MTMR7: variants seen among roughly 807,000 people sequenced by gnomAD.
MTMR7 encodes the protein phosphatidylinositol-3-phosphate phosphatase MTMR7.
In MTMR7, 76 loss-of-function variants were observed where a neutral mutation model predicts 81.2. The ratio of observed to expected loss-of-function variants is 0.94; its 90% confidence interval spans 0.78 to 1.13. MTMR7 has a LOEUF of 1.13. Among genes scored for constraint, MTMR7 ranks in the 50% most tolerant of loss-of-function variants. The pLI is 0.00. For synonymous variants in MTMR7, 372 were observed against 289.8 expected (o/e 1.28, Z -2.88); for missense variants, 1,044 against 820.0 (o/e 1.27, Z -3.34).
At chr8:17,307,407 A>C (rs539009990) in intron 10 of MTMR7, among the ~76,000 whole-genome samples, 6 of 151,950 alleles carry the variant, frequency 3.9e-5, no homozygotes, top group African/African-American at 4.8e-5. Flanking sequence ...AGAGGATGTG[A>C]AGAAATAGGA....
intron 3 of MTMR7, among the ~76,000 whole-genome samples, chr8:17,362,621 C>T (rs1820093379): frequency 6.6e-6 from 1 of 152,138 alleles, no homozygotes; most frequent in Admixed American, 6.5e-5. Flanking sequence ...TGTAACACAC[C>T]CTCCCCAAAC....
intron 7 of MTMR7, among the ~76,000 whole-genome samples, chr8:17,319,302 A>G (rs568677186): frequency 1.3e-5 from 2 of 152,202 alleles, no homozygotes; most frequent in Non-Finnish European, 2.9e-5. Context: ...AATAATACCA[A>G]TAAGCATTAC....
intron 1 of MTMR7, among the ~76,000 whole-genome samples, chr8:17,403,918 T>G (rs1821499847): frequency 6.6e-6 from 1 of 152,242 alleles, no homozygotes; most frequent in South Asian, 2.1e-4. Context: ...TGTATTTTGA[T>G]TTCGTATCTT....
intron 3 of MTMR7, among the ~76,000 whole-genome samples, chr8:17,369,138 G>C (rs771127360): frequency 8.5e-5 from 13 of 152,156 alleles, no homozygotes; most frequent in Non-Finnish European, 1.5e-4. Flanking sequence ...CCATTAATCA[G>C]TGACACAGAA....
At chr8:17,332,223 A>G (rs932636440) in intron 6 of MTMR7, among the ~76,000 whole-genome samples, 4 of 100,586 alleles carry the variant, frequency 4.0e-5, no homozygotes, top group Admixed American at 8.8e-5. Context: ...TCACCACCAG[A>G]AAAAAATATC....
Position 17,369,965 on chromosome 8 carries a change from AAAC to A in MTMR7, c.310+1069_310+1071del, listed in dbSNP as rs1820361680. Reference sequence around the variant, plus strand: ...AGGCCGAGTATATTTCTTTTAAGGAAAACAACACCACAACTCACACAAGCCACA... The same window carrying A: ...AGGCCGAGTATATTTCTTTTAAGGAAAACACCACAACTCACACAAGCCACA... On this transcript the variant is annotated intron_variant, in intron 3 of 13. Coordinates refer to ENST00000180173, the MANE Select transcript of MTMR7 (RefSeq NM_004686.5). Among the ~76,000 whole-genome samples the A allele has an allele frequency of 2.0e-5, 3 of 152,056 alleles. No homozygotes were observed. In the South Asian group the frequency reaches 6.2e-4, roughly 32 times the overall value.
At chr8:17,306,044 C>T in intron 10 of MTMR7, 87 bp from the exon 11 acceptor site, 1 of 1,000,740 alleles carries the variant, frequency 1.0e-6, no homozygotes, top group Non-Finnish European at 1.5e-6. Flanking sequence ...ATAAAAGCAA[C>T]CCTAGTTCCT....
chr8:17,367,312 G>A (rs77628688), intron 3 of MTMR7, among the ~76,000 whole-genome samples: 5,492 of 152,160 alleles, frequency 0.036, 515 homozygotes, highest in East Asian at 0.31. Flanking sequence ...CAAACACTAA[G>A]GAGGGGAAGA....
At chr8:17,373,828 A>C (rs1679763144) in intron 1 of MTMR7, among the ~76,000 whole-genome samples, 1 of 152,236 alleles carries the variant, frequency 6.6e-6, no homozygotes, top group Admixed American at 6.5e-5. Flanking sequence ...ATCACCACTC[A>C]GCTAAAATCC....
At chr8:17,301,251 G>A (rs1464660086) in intron 13 of MTMR7, among the ~76,000 whole-genome samples, 3 of 152,190 alleles carry the variant, frequency 2.0e-5, no homozygotes, top group African/African-American at 7.2e-5. Context: ...TTCATGCAAT[G>A]TAAGAATTTC....
chr8:17,309,129 G>C (rs999361390), intron 10 of MTMR7, 148 bp downstream of exon 10: 2 of 607,780 alleles, frequency 3.3e-6, no homozygotes, highest in Non-Finnish European at 5.9e-6. Context: ...ATTTATCTAT[G>C]ATATGACATA....
chr8:17,341,512 C>G lies in MTMR7; in HGVS notation c.598-15G>C. 6.2e-7 allele frequency: 1 copy of G among 1,612,248 alleles called. No homozygotes were observed. The highest frequency in any genetic ancestry group is 8.5e-7 in the Non-Finnish European group (1 of 1,179,782). On this transcript the variant is annotated splice_polypyrimidine_tract_variant and intron_variant, in intron 5 of 13. Transcript: ENST00000180173. ...CAGATGGAGGCCTAGGGGGAGAGGT[C>G]ACAGCAACACAGCACCATCAGGTAA... is the stretch of plus-strand genomic sequence containing the variant.
Position 17,311,512 on chromosome 8 carries a change from A to G in MTMR7, c.1100T>C (p.Met367Thr), listed in dbSNP as rs148482221. 3 of 1,614,130 alleles carry G rather than the reference A, an allele frequency of 1.9e-6. No homozygotes were observed. Among genetic ancestry groups the G allele is most frequent in the Non-Finnish European group, 1.7e-6 (2 of 1,180,002 alleles). The change falls in exon 9 of 14, where the codon ATG (methionine) becomes ACG (threonine). Residue 367 changes from methionine to threonine, a missense_variant and splice_region_variant. Coordinates refer to ENST00000180173, the MANE Select transcript of MTMR7 (RefSeq NM_004686.5). ...GAATCGCCCAGTGGCCACACTCACC[A>G]TGAAGCCCTTCAGAGTCCGGTAGTG... ...DPHYRTLKGF[M>T]VLIEKDWISF...
chr8:17,401,235 T>C lies in MTMR7; in HGVS notation c.24+12034A>G, dbSNP rs1363630365. Among the ~76,000 whole-genome samples, 5 of 152,296 alleles carry C rather than the reference T, an allele frequency of 3.3e-5. No individual in the cohort carries two copies. In the Middle Eastern group the frequency reaches 0.01, roughly 311 times the overall value. ...ATTTTATATGTGATGATAAATTGGC[T>C]TTCTTGATAAAATAACATTTGAGCA... On this transcript the variant is annotated intron_variant, in intron 1 of 13. Transcript: ENST00000180173.
intron 13 of MTMR7, 39 bp downstream of exon 13, chr8:17,302,115 A>C (rs1484137671): frequency 6.2e-7 from 1 of 1,613,164 alleles, no homozygotes; most frequent in South Asian, 1.1e-5. Flanking sequence ...TTCAAGAAAT[A>C]AGCACAGAAA....
intron 1 of MTMR7, 128 bp from the exon 2 acceptor site, chr8:17,373,368 A>G (rs1820478723): frequency 9.0e-7 from 1 of 1,107,684 alleles, no homozygotes; most frequent in Admixed American, 3.0e-5. Context: ...CAATAATAAA[A>G]ACCAAAAACT....
chr8:17,325,975 A>G (rs1203001445), intron 7 of MTMR7, among the ~76,000 whole-genome samples: 1 of 152,236 alleles, frequency 6.6e-6, no homozygotes, highest in Non-Finnish European at 1.5e-5. Flanking sequence ...AAAGCACTTT[A>G]TAGTTTGCAA....
chr8:17,403,237 G>A (rs1585125663), intron 1 of MTMR7, among the ~76,000 whole-genome samples: 1 of 152,260 alleles, frequency 6.6e-6, no homozygotes, highest in African/African-American at 2.4e-5. Flanking sequence ...TTGCTGTGAA[G>A]AAGCTTTTTA....
intron 11 of MTMR7, 93 bp downstream of exon 11, chr8:17,305,664 A>G (rs767466540): frequency 8.8e-6 from 10 of 1,139,772 alleles, no homozygotes; most frequent in Non-Finnish European, 1.3e-5. Flanking sequence ...ACTAAATGAA[A>G]AAAGTCTTCA....
Sources: gnomAD v4.1 joint callset for allele counts (sites outside exome capture counted in the v4.1 genomes callset) on GRCh38, gnomAD v4.1.1 for gene constraint, MANE v1.5 for transcripts, NCBI Gene and HGNC (gene_info 2026-07-23, HGNC 2026-07-21) for gene names.